The following SCN11A variants were observed in gnomAD, a reference collection of about 807,000 sequenced individuals.
SCN11A encodes sodium channel protein type 11 subunit alpha.
Under a neutral mutation model 162.2 loss-of-function variants are expected in SCN11A, and 122 were observed. The observed-to-expected ratio is 0.75, with a 90% CI of 0.65 to 0.87. The LOEUF (loss-of-function observed/expected upper bound fraction) is 0.87. Ranked by LOEUF, SCN11A falls within the 40% of genes least tolerant of loss-of-function variation. The pLI is 0.00. For synonymous variants in SCN11A, 758 were observed against 751.5 expected, an observed-to-expected ratio of 1.01 and a Z score of -0.14; for missense variants, 2,015 against 2,181.6, an observed-to-expected ratio of 0.92 and a Z score of 1.52.
At chr3:39,022,085 G>T (rs2031464968) in intron 2 of SCN11A, among the ~76,000 whole-genome samples, 1 of 152,118 alleles carries the variant, frequency 6.6e-6, no homozygotes, top group Non-Finnish European at 1.5e-5. Context: ...GATCACCACT[G>T]GAGTAGTTCT....
At position 38,870,481 on chromosome 3, in the gene SCN11A, C is replaced by T. The variant is rs4133368; in HGVS notation, c.3813+210G>A. Among the ~76,000 whole-genome samples, 22,188 of 152,168 alleles carry T rather than the reference C, an allele frequency of 0.15. 2,100 individuals are homozygous for T. The highest frequency in any genetic ancestry group is 0.25 in the East Asian group (1,291 of 5,166). On this transcript the variant is annotated intron_variant, in intron 26 of 29. Transcript: ENST00000302328. Reference sequence around the variant, plus strand: ...ACCATGGAGAAAGAAGACTGGACTTCAGAGAATACTGGGGTATCAGATACT... The same window carrying T: ...ACCATGGAGAAAGAAGACTGGACTTTAGAGAATACTGGGGTATCAGATACT...
At chr3:38,918,036 G>A (rs78528028) in intron 11 of SCN11A, among the ~76,000 whole-genome samples, 1 of 151,788 alleles carries the variant, frequency 6.6e-6, no homozygotes, top group African/African-American at 2.4e-5. Context: ...TGTTATTTGA[G>A]TTTTCAACAG....
chr3:39,018,434 A>C (rs1316464565), intron 2 of SCN11A, among the ~76,000 whole-genome samples: 3 of 152,098 alleles, frequency 2.0e-5, no homozygotes, highest in African/African-American at 7.2e-5. Context: ...CTGTTCTAAG[A>C]CCTGGAAGCT....
chr3:38,868,549 G>A (rs2126093649), intron 26 of SCN11A, among the ~76,000 whole-genome samples: 1 of 152,302 alleles, frequency 6.6e-6, no homozygotes, highest in East Asian at 1.9e-4. Flanking sequence ...AAGGTTTGAA[G>A]GTGGAGAGTT....
At chr3:39,029,210 A>C (rs1260104429) in intron 2 of SCN11A, among the ~76,000 whole-genome samples, 1 of 152,202 alleles carries the variant, frequency 6.6e-6, no homozygotes, top group Non-Finnish European at 1.5e-5. Context: ...TCTAAGTGTA[A>C]AAAAAGATGG....
chr3:38,853,205 C>G (rs1047019732), intron 28 of SCN11A, among the ~76,000 whole-genome samples: 3 of 152,174 alleles, frequency 2.0e-5, no homozygotes, highest in African/African-American at 4.8e-5. Flanking sequence ...TATGTCAGAA[C>G]ATATTGTGTC....
At chr3:39,016,354 T>C (rs1371340458) in intron 2 of SCN11A, among the ~76,000 whole-genome samples, 1 of 152,180 alleles carries the variant, frequency 6.6e-6, no homozygotes, top group Non-Finnish European at 1.5e-5. Flanking sequence ...AAGTATGAGG[T>C]ATTGCCTGAA....
intron 2 of SCN11A, among the ~76,000 whole-genome samples, chr3:39,010,942 A>T (rs1354493251): frequency 6.6e-6 from 1 of 152,202 alleles, no homozygotes; most frequent in East Asian, 1.9e-4. Flanking sequence ...ATTAATATTT[A>T]TAAGAAACAG....
At chr3:38,972,788 G>GA (rs920223206) in intron 2 of SCN11A, among the ~76,000 whole-genome samples, 28 of 147,810 alleles carry the variant, frequency 1.9e-4, no homozygotes, top group African/African-American at 3.7e-4. Context: ...GGGCTGCATA[G>GA]AAAAAAAAAA....
At chr3:38,883,476 C>T in intron 21 of SCN11A, 89 bp from the exon 22 acceptor site, 3 of 1,246,890 alleles carry the variant, frequency 2.4e-6, no homozygotes, top group Non-Finnish European at 3.4e-6. Flanking sequence ...TGTTCATGCC[C>T]CTTGCCATGC....
intron 1 of SCN11A, among the ~76,000 whole-genome samples, chr3:39,042,697 C>T (rs183771234): frequency 6.6e-6 from 1 of 152,132 alleles, no homozygotes; most frequent in African/African-American, 2.4e-5. Flanking sequence ...GTGGCTCACG[C>T]CTGTAATCCC....
chr3:38,982,240 G>A (rs953704830), intron 2 of SCN11A, among the ~76,000 whole-genome samples: 2 of 152,178 alleles, frequency 1.3e-5, no homozygotes, highest in Non-Finnish European at 2.9e-5. Context: ...AGTACTAAGG[G>A]GGAAATGACA....
In SCN11A at chr3:38,908,091, G is replaced by A. The variant is rs868856046; in HGVS notation, c.1331C>T (p.Ser444Leu). ...ATATGATGTTTCAAGGGAAGTAAGT[G>A]AACTTCTGTCAATTCCCATGGCAAC... ...ALVAMGIDRSSLTSLETSYFT... is the reference protein window; with the variant it reads ...ALVAMGIDRSLLTSLETSYFT... The change falls in exon 14 of 30, where the codon TCA becomes TTA. Residue 444 changes from serine to leucine, a missense_variant. Coordinates refer to ENST00000302328, the MANE Select transcript of SCN11A (RefSeq NM_001349253.2). The A allele has an allele frequency of 6.2e-7, 1 of 1,612,574 alleles. No homozygotes were observed. The highest frequency in any genetic ancestry group is 1.1e-5 in the South Asian group (1 of 90,478).
chr3:38,950,938 C>T (rs908097084), intron 4 of SCN11A, among the ~76,000 whole-genome samples: 1 of 152,264 alleles, frequency 6.6e-6, no homozygotes, highest in Non-Finnish European at 1.5e-5. Context: ...CATGCCGGCT[C>T]TCTCACTTCT....
At chr3:38,975,134 C>T (rs559545154) in intron 2 of SCN11A, among the ~76,000 whole-genome samples, 1 of 147,182 alleles carries the variant, frequency 6.8e-6, no homozygotes, top group Non-Finnish European at 1.5e-5. Context: ...AAAACTATTT[C>T]AAAAAACGAC....
In SCN11A at chr3:38,872,076, G is replaced by A. The variant is rs1575228042; in HGVS notation, c.3495+117C>T. 3 of 733,054 alleles carry A rather than the reference G, an allele frequency of 4.1e-6. No individual in the cohort carries two copies. In the East Asian group the frequency reaches 7.4e-5, roughly 18 times the overall value. The allele number at this position is 733,054 out of a possible 1,614,324, so 45.4% of individuals were successfully genotyped here. A position where few individuals can be genotyped will look rare whatever the true frequency, so the allele number is the denominator to read the frequency against. On this transcript the variant is annotated intron_variant, in intron 24 of 29. Transcript: ENST00000302328. The stretch of plus-strand genomic sequence containing the variant: ...TCAAATTCTAAGCACTGGGCAGGCT[G>A]GGAAGTAACCCAGGAAAAGCTTGGC...
chr3:38,865,071 G>A (rs1051902864), intron 27 of SCN11A, among the ~76,000 whole-genome samples: 13 of 152,146 alleles, frequency 8.5e-5, no homozygotes, highest in African/African-American at 3.1e-4. Context: ...ATGATGTGAT[G>A]TCTGTGGTTT....
chr3:38,984,620 C>T (rs2125591624), intron 2 of SCN11A, among the ~76,000 whole-genome samples: 1 of 152,204 alleles, frequency 6.6e-6, no homozygotes, highest in South Asian at 2.1e-4. Flanking sequence ...AAACAATTCT[C>T]CAGCCTCAGC....
At chr3:38,849,257 C>CTTTTTTTTTTT (rs55781629) in intron 29 of SCN11A, 2 of 69,866 alleles carry the variant, frequency 2.9e-5, no homozygotes, top group African/African-American at 1.3e-4. Flanking sequence ...TTTTCTAGCC[C>CTTTTTTTTTTT]TTTTTTTTTT....
Sources: allele counts gnomAD v4.1 joint callset (sites outside exome capture counted in the v4.1 genomes callset), GRCh38; gene constraint gnomAD v4.1.1; transcripts MANE v1.5; gene names NCBI Gene and HGNC (gene_info 2026-07-23, HGNC 2026-07-21).